Variants in ERICH5 observed in about 807,000 individuals in gnomAD.
ERICH5 encodes the protein glutamate-rich protein 5.
ERICH5 carries 24 observed loss-of-function variants against 28.0 expected under a neutral mutation model. The observed-to-expected ratio is 0.86, with a 90% confidence interval of 0.62 to 1.21. The LOEUF is 1.21. Among genes scored for constraint, ERICH5 ranks in the 50% most tolerant of loss-of-function variants. The pLI is 0.00. For missense variants in ERICH5, 421 were observed against 441.2 expected, an observed-to-expected ratio of 0.95 and a Z score of 0.41; for synonymous variants, 163 against 157.6, an observed-to-expected ratio of 1.03 and a Z score of -0.25.
intron 1 of ERICH5, among the ~76,000 whole-genome samples, chr8:98,069,732 G>A (rs1814877404): frequency 1.3e-5 from 2 of 152,084 alleles, no homozygotes; most frequent in Non-Finnish European, 2.9e-5. Context: ...CCCAGGAGTG[G>A]CATTACTAGG....
chr8:98,076,916 T>C (rs1317042505), intron 1 of ERICH5, among the ~76,000 whole-genome samples: 1 of 152,090 alleles, frequency 6.6e-6, no homozygotes, highest in Admixed American at 6.5e-5. Context: ...CAAACTTCCT[T>C]GGGGTTAAGC....
chr8:98,065,878 C>T (rs1309889222), intron 1 of ERICH5, among the ~76,000 whole-genome samples: 2 of 152,138 alleles, frequency 1.3e-5, no homozygotes, highest in Non-Finnish European at 2.9e-5. Flanking sequence ...GTAGAGCGCA[C>T]CAGACGGTGA....
At chr8:98,070,681 A>G (rs1479872437) in intron 1 of ERICH5, among the ~76,000 whole-genome samples, 2 of 142,016 alleles carry the variant, frequency 1.4e-5, no homozygotes, top group Admixed American at 1.4e-4. Context: ...AAAAAAAAAA[A>G]AGAAAAGAAA....
intron 1 of ERICH5, among the ~76,000 whole-genome samples, chr8:98,069,854 A>G (rs1814880162): frequency 6.6e-6 from 1 of 152,276 alleles, no homozygotes; most frequent in East Asian, 1.9e-4. Flanking sequence ...TTTCTAAAAC[A>G]GAAAACTTTC....
At chr8:98,067,637 C>T (rs1280603603) in intron 1 of ERICH5, among the ~76,000 whole-genome samples, 23 of 149,728 alleles carry the variant, frequency 1.5e-4, no homozygotes, top group Middle Eastern at 3.4e-3. Flanking sequence ...TTTTTTGAGA[C>T]GGCATTTCGC....
intron 2 of ERICH5, 121 bp from the exon 3 acceptor site, chr8:98,093,100 A>G: frequency 4.8e-6 from 3 of 621,858 alleles, no homozygotes; most frequent in East Asian, 2.8e-5. Context: ...TGATACCCCC[A>G]GAGAAACTTA....
chr8:98,065,924 T>C (rs1814812310), intron 1 of ERICH5, among the ~76,000 whole-genome samples: 1 of 152,214 alleles, frequency 6.6e-6, no homozygotes, highest in Non-Finnish European at 1.5e-5. Context: ...TGTGTCCTAG[T>C]CAGAAATATG....
intron 1 of ERICH5, among the ~76,000 whole-genome samples, chr8:98,068,334 G>C (rs1814854299): frequency 6.6e-6 from 1 of 152,152 alleles, no homozygotes; most frequent in African/African-American, 2.4e-5. Flanking sequence ...TGTGTGTTTG[G>C]GAGAACAGAG....
intron 1 of ERICH5, among the ~76,000 whole-genome samples, chr8:98,084,098 A>G (rs566434834): frequency 1.4e-5 from 2 of 144,036 alleles, no homozygotes; most frequent in Admixed American, 1.4e-4. Context: ...TATATTTCCT[A>G]GGCTGGTCTT....
intron 2 of ERICH5, among the ~76,000 whole-genome samples, chr8:98,092,807 G>A (rs1046944028): frequency 1.4e-5 from 2 of 143,752 alleles, no homozygotes; most frequent in African/African-American, 2.6e-5. Context: ...ACAGAGTCTC[G>A]TTCTGTCGCC....
intron 1 of ERICH5, among the ~76,000 whole-genome samples, chr8:98,085,163 TTTTTTTTTTTTTTTTG>T (rs1815251716): frequency 2.8e-4 from 16 of 57,064 alleles, no homozygotes; most frequent in South Asian, 1.5e-3. Context: ...TTTTTTTTTT[TTTTTTTTTTTTTTTTG>T]AGACGGAGTC....
At chr8:98,092,623 T>A (rs1436356385) in intron 2 of ERICH5, among the ~76,000 whole-genome samples, 1 of 152,136 alleles carries the variant, frequency 6.6e-6, no homozygotes, top group Non-Finnish European at 1.5e-5. Context: ...TCTATTATAA[T>A]CTGTTCTACC....
intron 1 of ERICH5, among the ~76,000 whole-genome samples, chr8:98,076,159 T>C (rs1244102668): frequency 1.3e-5 from 2 of 152,158 alleles, no homozygotes; most frequent in Admixed American, 6.5e-5. Context: ...GTTCAAGCGA[T>C]TCTCCTGCCT....
chr8:98,091,627 C>A (rs79170142), intron 2 of ERICH5, among the ~76,000 whole-genome samples: 1 of 152,194 alleles, frequency 6.6e-6, no homozygotes, highest in African/African-American at 2.4e-5. Flanking sequence ...AGCCATGGAA[C>A]TAGGGCCAAT....
At chr8:98,077,201 A>G (rs988260556) in intron 1 of ERICH5, among the ~76,000 whole-genome samples, 4 of 152,194 alleles carry the variant, frequency 2.6e-5, no homozygotes, top group Non-Finnish European at 5.9e-5. Context: ...TAATCCACAC[A>G]AAGCTCCAGG....
Position 98,064,695 on chromosome 8 carries a change from A to G in ERICH5, c.26A>G (p.Asn9Ser), listed in dbSNP as rs1001932827. Residue 9 changes from asparagine (N) to serine (S), a missense_variant, in exon 1 of 3, where the codon AAC becomes AGC. Physicochemically the swap from Asn to Ser is conservative, Grantham distance 46. Transcript: ENST00000318528. ...ATGGGCTGCTCCAGCAGCGCCCTCA[A>G]CAAGGCCGGCGACAGCAGCAGGTTC... is the stretch of plus-strand genomic sequence containing the variant. MGCSSSALNKAGDSSRFPS... is the reference protein window; with the variant it reads MGCSSSALSKAGDSSRFPS... 1.3e-6 allele frequency: 2 copies of G among 1,536,298 alleles called. No individual in the cohort carries two copies. Among genetic ancestry groups the G allele is most frequent in the Non-Finnish European group, 8.7e-7 (1 of 1,143,838 alleles).
At chr8:98,082,193 T>G (rs372815027) in intron 1 of ERICH5, among the ~76,000 whole-genome samples, 26 of 152,346 alleles carry the variant, frequency 1.7e-4, no homozygotes, top group African/African-American at 6.3e-4. Flanking sequence ...TTTAAAGGTA[T>G]TATATGTCCT....
chr8:98,072,797 C>T (rs1814942061), intron 1 of ERICH5, among the ~76,000 whole-genome samples: 1 of 152,124 alleles, frequency 6.6e-6, no homozygotes, highest in South Asian at 2.1e-4. Flanking sequence ...CTAAAACATT[C>T]TCTTTGCTTA....
chr8:98,089,240 G>C lies in ERICH5; in HGVS notation c.223G>C (p.Gly75Arg). ...GGTTTCAGCAGAGCCTACAGCTAAT[G>C]GTGTTAAACCCCTCCAAGAACAGCC... ...LKVSAEPTAN[G>R]VKPLQEQPLA... Residue 75 changes from glycine (G) to arginine (R), a missense_variant, in exon 2 of 3, where the codon GGT becomes CGT. Transcript: ENST00000318528. 6.2e-7 allele frequency: 1 copy of C among 1,614,204 alleles called. No homozygotes were observed. The highest frequency in any genetic ancestry group is 2.2e-5 in the East Asian group (1 of 44,880).
Sources: gnomAD v4.1 joint callset for allele counts (sites outside exome capture counted in the v4.1 genomes callset) on GRCh38, gnomAD v4.1.1 for gene constraint, MANE v1.5 for transcripts, NCBI Gene and HGNC (gene_info 2026-07-23, HGNC 2026-07-21) for gene names.